MGAT4C: variants seen among roughly 807,000 people sequenced by gnomAD.
The protein encoded by MGAT4C is MGAT4 family member C, also known as alpha-1,3-mannosyl-glycoprotein 4-beta-N-acetylglucosaminyltransferase C.
A neutral mutation model predicts 40.1 loss-of-function variants in MGAT4C; 19 were observed. The observed-to-expected ratio is 0.47, with a 90% CI of 0.33 to 0.70. The LOEUF (loss-of-function observed/expected upper bound fraction) is 0.70. Among genes scored for constraint, MGAT4C ranks in the 30% least tolerant of loss-of-function variants. The probability of loss-of-function intolerance (pLI) is 0.02; values close to 1 mark genes in which losing one functional copy is unlikely to be tolerated. For missense variants in MGAT4C, 491 were observed against 563.2 expected (o/e 0.87, Z 1.30); for synonymous variants, 181 against 187.1 (o/e 0.97, Z 0.27).
At position 85,972,211 on chromosome 12, in the gene MGAT4C, GA is replaced by G. The variant is rs1415085329; in HGVS notation, c.*7077del. 6.6e-6 allele frequency: 1 copy of G among 151,042 alleles called. No individual in the cohort carries two copies. The highest frequency in any genetic ancestry group is 2.4e-5 in the African/African-American group (1 of 41,328). 9.4% of individuals were successfully genotyped at this position (151,042 alleles called of 1,614,324 possible). On this transcript the variant is annotated 3_prime_UTR_variant, in exon 5 of 5. Coordinates refer to ENST00000611864, the MANE Select transcript of MGAT4C (RefSeq NM_001351288.2). The stretch of plus-strand genomic sequence containing the variant: ...GTGGGTAAAGATGCCACATGCAACA[GA>G]AAATGTGTCTAATTATGTTTGTTTT...
intron 3 of MGAT4C, among the ~76,000 whole-genome samples, chr12:86,424,351 C>T (rs1476588201): frequency 6.6e-6 from 1 of 152,190 alleles, no homozygotes; most frequent in Non-Finnish European, 1.5e-5. Flanking sequence ...ACTATGCATC[C>T]TCCATTTGGT....
intron 1 of MGAT4C, among the ~76,000 whole-genome samples, chr12:86,768,356 T>A (rs375162489): frequency 2.0e-5 from 3 of 151,938 alleles, no homozygotes; most frequent in Non-Finnish European, 4.4e-5. Flanking sequence ...CACTGCTCAA[T>A]GAAATAAAAG....
intron 4 of MGAT4C, among the ~76,000 whole-genome samples, chr12:86,299,740 A>G (rs1179233534): frequency 6.6e-6 from 1 of 152,210 alleles, no homozygotes; most frequent in Non-Finnish European, 1.5e-5. Flanking sequence ...CTTTGGGACA[A>G]TATGCCAAAT....
rs556060148 is a variant in MGAT4C at position 86,222,073 on chromosome 12, CT to C, written c.-57+34165del. Among the ~76,000 whole-genome samples the C allele has an allele frequency of 3.0e-3, 464 of 152,216 alleles. 3 individuals carry two copies. Among genetic ancestry groups the C allele is most frequent in the African/African-American group, 0.011 (442 of 41,544 alleles). ...TAGACATTTTCAAAGAAACTCTGTT[CT>C]AGTACATATCATACAGACATAATCC... On this transcript the variant is annotated intron_variant, in intron 1 of 4. Transcript: ENST00000611864.
rs183459505 is a variant in MGAT4C, at chr12:86,122,425, T to C, written c.-56-72702A>G. 5.1e-4 allele frequency among the ~76,000 whole-genome samples: 78 copies of C among 152,290 alleles called. 2 individuals are homozygous for C. The East Asian group carries it at 0.013, about 25-fold the overall frequency. On this transcript the variant is annotated intron_variant, in intron 1 of 4. Coordinates refer to ENST00000611864, the MANE Select transcript of MGAT4C (RefSeq NM_001351288.2). Reference sequence around the variant, plus strand: ...ATGTGGCAACATCACATTTTCCTTATACACTTTTAGTATAATTACAGCTAT... The same window carrying C: ...ATGTGGCAACATCACATTTTCCTTACACACTTTTAGTATAATTACAGCTAT...
chr12:86,795,936 T>C (rs1173570648), intron 1 of MGAT4C, among the ~76,000 whole-genome samples: 1 of 152,000 alleles, frequency 6.6e-6, no homozygotes, highest in African/African-American at 2.4e-5. Context: ...TGCTGCCATA[T>C]GGAAAATTAG....
intron 2 of MGAT4C, among the ~76,000 whole-genome samples, chr12:86,569,123 G>T (rs1168604756): frequency 6.6e-6 from 1 of 151,670 alleles, no homozygotes; most frequent in African/African-American, 2.4e-5. Context: ...GAATAGTCTA[G>T]GCAAAGGTTT....
intron 1 of MGAT4C, among the ~76,000 whole-genome samples, chr12:86,130,466 A>G (rs1881012253): frequency 6.6e-6 from 1 of 152,122 alleles, no homozygotes. Context: ...TCTGTATTTT[A>G]TAAAAAGTAG....
chr12:86,713,900 T>C (rs998487423), intron 2 of MGAT4C, among the ~76,000 whole-genome samples: 4 of 151,346 alleles, frequency 2.6e-5, no homozygotes, highest in Admixed American at 2.0e-4. Flanking sequence ...TATTAATTCA[T>C]ATTTTAAACA....
chr12:85,999,462 G>A (rs577974157), intron 2 of MGAT4C, among the ~76,000 whole-genome samples: 1 of 152,128 alleles, frequency 6.6e-6, no homozygotes, highest in Admixed American at 6.5e-5. Flanking sequence ...AAATAAATAT[G>A]TTAGAGAAGT....
intron 2 of MGAT4C, among the ~76,000 whole-genome samples, chr12:86,042,543 A>G (rs905671492): frequency 4.6e-5 from 7 of 152,160 alleles, no homozygotes; most frequent in Admixed American, 4.6e-4. Context: ...TCTGAAAAGA[A>G]TCTTACATGT....
At chr12:86,804,428 A>T (rs958801906) in intron 1 of MGAT4C, among the ~76,000 whole-genome samples, 70 of 151,166 alleles carry the variant, frequency 4.6e-4, no homozygotes, top group Middle Eastern at 3.4e-3. Flanking sequence ...AAAAAATAAA[A>T]AAATAAAATA....
rs143237014 is a variant in MGAT4C, at chr12:86,324,351, A to G, written c.-57+9714T>C. Among the ~76,000 whole-genome samples the G allele has an allele frequency of 2.1e-3, 321 of 152,078 alleles. 4 individuals carry two copies. Among genetic ancestry groups the G allele is most frequent in the African/African-American group, 6.0e-3 (250 of 41,572 alleles). On this transcript the variant is annotated intron_variant, in intron 4 of 7. Transcript: ENST00000548651. ...AGCTTGATTTTATTTCATGTTTTGT[A>G]TACATAATTTCCATATTCTTACATT...
chr12:86,570,437 A>T lies in MGAT4C; in HGVS notation c.-228-135172T>A, dbSNP rs1476778680. On this transcript the variant is annotated intron_variant, in intron 2 of 7. Transcript: ENST00000548651. ...GACTTGTTCAAATGTACTATTTCAA[A>T]TGTCCTAAGAATGAACATGGACCCC... Among the ~76,000 whole-genome samples the T allele has an allele frequency of 2.0e-5, 3 of 152,208 alleles. No homozygotes were observed. In the East Asian group the frequency reaches 5.8e-4, roughly 30 times the overall value.
chr12:86,720,376 C>A (rs1012341806), intron 2 of MGAT4C, among the ~76,000 whole-genome samples: 2 of 152,048 alleles, frequency 1.3e-5, no homozygotes, highest in African/African-American at 4.8e-5. Context: ...CCTACAAAGC[C>A]CTCAGGTTCA....
chr12:86,206,679 C>T (rs571828739), intron 1 of MGAT4C, among the ~76,000 whole-genome samples: 15 of 152,136 alleles, frequency 9.9e-5, no homozygotes, highest in Non-Finnish European at 1.9e-4. Flanking sequence ...TCCCACAATT[C>T]CTTCGTCCCT....
Position 86,782,864 on chromosome 12 carries a change from G to A in MGAT4C, c.-261-55623C>T, listed in dbSNP as rs12297486. Among the ~76,000 whole-genome samples the A allele has an allele frequency of 6.0e-3, 910 of 152,000 alleles. 13 individuals carry two copies. The highest frequency in any genetic ancestry group is 0.021 in the African/African-American group (871 of 41,316). ...GAAAGAGGTTTCAGAAACCAACCCC[G>A]CCAGCATCTTAATCTTGGGGACTTC... On this transcript the variant is annotated intron_variant, in intron 1 of 7. Transcript: ENST00000548651.
intron 1 of MGAT4C, among the ~76,000 whole-genome samples, chr12:86,132,720 A>T (rs1193266312): frequency 7.3e-6 from 1 of 136,794 alleles, no homozygotes; most frequent in Non-Finnish European, 1.5e-5. Context: ...TGAACCCTGG[A>T]GGCGGAGCTT....
intron 1 of MGAT4C, among the ~76,000 whole-genome samples, chr12:86,203,975 A>AATAT (rs56952745): frequency 2.2e-4 from 30 of 137,054 alleles, no homozygotes; most frequent in African/African-American, 5.1e-4. Flanking sequence ...AAAAAAAAGA[A>AATAT]ATATATATAT....
Sources: gnomAD v4.1 joint callset for allele counts (sites outside exome capture counted in the v4.1 genomes callset) on GRCh38, gnomAD v4.1.1 for gene constraint, MANE v1.5 for transcripts, NCBI Gene and HGNC (gene_info 2026-07-23, HGNC 2026-07-21) for gene names.